The following RSPH1 variants were observed in gnomAD, a reference collection of about 807,000 sequenced individuals.
The protein encoded by RSPH1 is radial spoke head component 1.
A neutral mutation model predicts 44.2 loss-of-function variants in RSPH1; 32 were observed. The observed-to-expected ratio is 0.72, with a 90% CI of 0.55 to 0.97. RSPH1 has a LOEUF of 0.97. Among genes scored for constraint, RSPH1 ranks in the 50% least tolerant of loss-of-function variants. RSPH1 has a pLI of 0.00. For missense variants in RSPH1, 391 were observed against 398.7 expected, an observed-to-expected ratio of 0.98 and a Z score of 0.16; for synonymous variants, 134 against 147.3, an observed-to-expected ratio of 0.91 and a Z score of 0.65.
At chr21:42,476,386 G>T (rs764409177) in intron 7 of RSPH1, among the ~76,000 whole-genome samples, 12 of 152,210 alleles carry the variant, frequency 7.9e-5, no homozygotes, top group Admixed American at 3.3e-4. Context: ...GGGACAGAGG[G>T]CAGAGGCTGC....
chr21:42,479,314 T>C (rs1472162104), intron 6 of RSPH1, among the ~76,000 whole-genome samples: 1 of 152,156 alleles, frequency 6.6e-6, no homozygotes, highest in Admixed American at 6.5e-5. Flanking sequence ...CCTCAGGTTG[T>C]TGCTGCATTA....
intron 5 of RSPH1, among the ~76,000 whole-genome samples, chr21:42,483,676 T>C (rs911133897): frequency 6.6e-6 from 1 of 152,226 alleles, no homozygotes; most frequent in Admixed American, 6.5e-5. Flanking sequence ...AAGTTATTTT[T>C]ATAAAGCTAA....
rs1568964845 is a variant in RSPH1 at position 42,486,414 on chromosome 21, T to C, written c.322A>G (p.Ile108Val). 3 of 1,614,116 alleles carry C rather than the reference T, an allele frequency of 1.9e-6. No individual in the cohort carries two copies. The highest frequency in any genetic ancestry group is 1.1e-5 in the South Asian group (1 of 91,086). ...LRHGHGVYYY[I>V]NNDTYTGEWF... The stretch of plus-strand genomic sequence containing the variant: ...TCTCCAGTGTAGGTGTCATTATTGA[T>C]GTAGTAGTATACGCCATGGCCGTGC... The change falls in exon 4 of 9, where the codon ATC (isoleucine) becomes GTC (valine). Residue 108 changes from isoleucine to valine, a missense_variant. Physicochemically the swap from Ile to Val is conservative, Grantham distance 29 (BLOSUM62 3). Transcript: ENST00000291536.
At chr21:42,493,876 G>C (rs1376382506) in intron 1 of RSPH1, among the ~76,000 whole-genome samples, 1 of 152,148 alleles carries the variant, frequency 6.6e-6, no homozygotes. Context: ...TCAGACTCCT[G>C]AGTAGCTGAG....
At chr21:42,473,825 C>T (rs1438018226) in intron 8 of RSPH1, among the ~76,000 whole-genome samples, 1 of 152,170 alleles carries the variant, frequency 6.6e-6, no homozygotes, top group East Asian at 1.9e-4. Flanking sequence ...GCACCGTCCC[C>T]GGCCTCCACC....
intron 1 of RSPH1, among the ~76,000 whole-genome samples, chr21:42,495,397 T>C (rs781316253): frequency 1.3e-5 from 2 of 152,196 alleles, no homozygotes; most frequent in East Asian, 3.9e-4. Flanking sequence ...AACTCTGTAC[T>C]GTGCATGCAG....
At chr21:42,490,756 C>T (rs1241014677) in intron 3 of RSPH1, among the ~76,000 whole-genome samples, 2 of 152,180 alleles carry the variant, frequency 1.3e-5, no homozygotes, top group Non-Finnish European at 2.9e-5. Context: ...CTTTTGACCA[C>T]ACCTGAACTT....
intron 3 of RSPH1, among the ~76,000 whole-genome samples, chr21:42,487,690 C>G (rs2054193915): frequency 6.6e-6 from 1 of 152,028 alleles, no homozygotes; most frequent in African/African-American, 2.4e-5. Context: ...TAAAGAGGTT[C>G]TCAAAACTTA....
chr21:42,490,717 G>T (rs535944573), intron 3 of RSPH1, among the ~76,000 whole-genome samples: 5 of 152,298 alleles, frequency 3.3e-5, no homozygotes, highest in South Asian at 2.1e-4. Context: ...CTGACTGATA[G>T]AAATGTTTTT....
Position 42,486,376 on chromosome 21 carries a change from A to G in RSPH1, c.360T>C (p.His120=). The G allele has an allele frequency of 1.9e-6, 3 of 1,612,340 alleles. No homozygotes were observed. The highest frequency in any genetic ancestry group is 2.5e-6 in the Non-Finnish European group (3 of 1,178,342). The change falls in exon 4 of 9, where the codon CAT becomes CAC. Residue 120 remains histidine (H), a synonymous_variant. Coordinates refer to ENST00000291536, the MANE Select transcript of RSPH1 (RefSeq NM_080860.4). ...ACCCAAGATAGAAACCGAACCTTTGATGAGCAAACCACTCTCCAGTGTAGG... is the reference window on the plus strand; with the variant it reads ...ACCCAAGATAGAAACCGAACCTTTGGTGAGCAAACCACTCTCCAGTGTAGG... ...NDTYTGEWFA[H]QRHGQGTYLY... is the part of the protein sequence containing the mutation.
intron 8 of RSPH1, among the ~76,000 whole-genome samples, chr21:42,475,395 A>T (rs2146639759): frequency 6.6e-6 from 1 of 151,748 alleles, no homozygotes; most frequent in South Asian, 2.1e-4. Flanking sequence ...GGTGAAACCC[A>T]CCTCTACTAA....
chr21:42,478,245 G>A (rs908858828), intron 6 of RSPH1, among the ~76,000 whole-genome samples: 4 of 152,248 alleles, frequency 2.6e-5, no homozygotes, highest in East Asian at 1.9e-4. Context: ...TGCCACATAG[G>A]TGATAATACC....
At chr21:42,495,266 G>C (rs985308736) in intron 1 of RSPH1, among the ~76,000 whole-genome samples, 2 of 152,238 alleles carry the variant, frequency 1.3e-5, no homozygotes, top group Non-Finnish European at 2.9e-5. Flanking sequence ...GTGATAGCTT[G>C]AGTAGCAAAT....
At chr21:42,478,604 C>T (rs1258288374) in intron 6 of RSPH1, among the ~76,000 whole-genome samples, 7 of 152,160 alleles carry the variant, frequency 4.6e-5, no homozygotes, top group African/African-American at 1.4e-4. Context: ...CTGGTGGGAA[C>T]GTAAAATGCT....
intron 6 of RSPH1, among the ~76,000 whole-genome samples, chr21:42,479,097 T>C (rs1388279290): frequency 6.6e-6 from 1 of 152,206 alleles, no homozygotes; most frequent in African/African-American, 2.4e-5. Flanking sequence ...AAGCATGCTT[T>C]AAAATGGCAA....
intron 1 of RSPH1, 75 bp downstream of exon 1, chr21:42,496,058 A>T (rs1601640268): frequency 6.4e-7 from 1 of 1,555,112 alleles, no homozygotes; most frequent in Non-Finnish European, 8.9e-7. Flanking sequence ...GCGCCTCCTC[A>T]CTCTCCAAAC....
Position 42,477,278 on chromosome 21 carries a change from G to A in RSPH1, c.727+13C>T, listed in dbSNP as rs779096652. 3 of 1,611,296 alleles carry A rather than the reference G, an allele frequency of 1.9e-6. No homozygotes were observed. Among genetic ancestry groups the A allele is most frequent in the Non-Finnish European group, 2.5e-6 (3 of 1,178,510 alleles). ...CTGCCCCCTCCACCCCACAGCCCGG[G>A]GGTGCCCCACACTCTCAGCTCCTGG... On this transcript the variant is annotated intron_variant, in intron 7 of 8. Coordinates refer to ENST00000291536, the MANE Select transcript of RSPH1 (RefSeq NM_080860.4).
chr21:42,487,977 G>A (rs745377678), intron 3 of RSPH1, among the ~76,000 whole-genome samples: 1 of 152,230 alleles, frequency 6.6e-6, no homozygotes, highest in Non-Finnish European at 1.5e-5. Flanking sequence ...GAGGATGGAA[G>A]GTTGGCACCT....
At chr21:42,482,615 C>G in intron 6 of RSPH1, 22 bp downstream of exon 6, 1 of 1,578,574 alleles carries the variant, frequency 6.3e-7, no homozygotes, top group Non-Finnish European at 8.7e-7. Flanking sequence ...TGTAACAAAA[C>G]CCTACATGCT....
Sources: gnomAD v4.1 joint callset for allele counts (sites outside exome capture counted in the v4.1 genomes callset) on GRCh38, gnomAD v4.1.1 for gene constraint, MANE v1.5 for transcripts, NCBI Gene and HGNC (gene_info 2026-07-23, HGNC 2026-07-21) for gene names.